Variants in XKR6 observed in about 807,000 individuals in gnomAD.
XKR6 encodes the protein XK-related protein 6.
XKR6 carries 22 observed loss-of-function variants against 56.7 expected under a neutral mutation model. That is an observed-to-expected ratio of 0.39 (90% CI 0.28 to 0.55). The LOEUF (loss-of-function observed/expected upper bound fraction) is 0.55, where lower values mean the gene tolerates loss of function less well. Ranked by LOEUF, XKR6 falls within the 20% of genes least tolerant of loss-of-function variation. The pLI, the probability that XKR6 is intolerant of heterozygous loss-of-function variation, is 0.66. For missense variants in XKR6, 852 were observed against 889.0 expected, an observed-to-expected ratio of 0.96 and a Z score of 0.53; for synonymous variants, 524 against 387.8, an observed-to-expected ratio of 1.35 and a Z score of -4.13.
At chr8:11,115,415 T>C (rs1799124208) in intron 1 of XKR6, among the ~76,000 whole-genome samples, 1 of 152,168 alleles carries the variant, frequency 6.6e-6, no homozygotes, top group African/African-American at 2.4e-5. Context: ...AATTCAGAAA[T>C]CCTGCTGCTA....
chr8:10,964,314 C>A (rs1028613328), intron 1 of XKR6, among the ~76,000 whole-genome samples: 2 of 152,304 alleles, frequency 1.3e-5, no homozygotes, highest in Admixed American at 1.3e-4. Context: ...CACCTGTTTG[C>A]TCAGTTTTGC....
intron 1 of XKR6, among the ~76,000 whole-genome samples, chr8:11,166,072 C>T (rs1249115067): frequency 6.6e-6 from 1 of 151,812 alleles, no homozygotes; most frequent in Non-Finnish European, 1.5e-5. Flanking sequence ...TCTCCTGCCT[C>T]AGCCTCCCGA....
At chr8:11,049,798 T>C (rs992523139) in intron 1 of XKR6, among the ~76,000 whole-genome samples, 3 of 152,236 alleles carry the variant, frequency 2.0e-5, no homozygotes, top group Non-Finnish European at 4.4e-5. Context: ...AGAATTTTTC[T>C]AGTCTTTTCC....
intron 1 of XKR6, among the ~76,000 whole-genome samples, chr8:11,066,268 G>T (rs894534571): frequency 6.6e-6 from 1 of 152,242 alleles, no homozygotes; most frequent in African/African-American, 2.4e-5. Flanking sequence ...GTCTCTGCCT[G>T]TTCGAAACAG....
chr8:11,141,614 G>A (rs1392868793), intron 1 of XKR6, among the ~76,000 whole-genome samples: 1 of 152,180 alleles, frequency 6.6e-6, no homozygotes, highest in Non-Finnish European at 1.5e-5. Context: ...AGTGCTCTTG[G>A]CTCAGCAACT....
chr8:11,080,761 G>A (rs541424012), intron 1 of XKR6, among the ~76,000 whole-genome samples: 8 of 152,232 alleles, frequency 5.3e-5, no homozygotes, highest in African/African-American at 1.2e-4. Context: ...GGACACTACC[G>A]TCAGAGACAA....
intron 1 of XKR6, among the ~76,000 whole-genome samples, chr8:11,050,447 G>A (rs975196046): frequency 6.6e-6 from 1 of 151,840 alleles, no homozygotes; most frequent in South Asian, 2.1e-4. Flanking sequence ...ACAACTCTAT[G>A]AAGAACAATG....
At chr8:10,909,470 T>C (rs554429772) in intron 2 of XKR6, among the ~76,000 whole-genome samples, 62 of 152,354 alleles carry the variant, frequency 4.1e-4, no homozygotes, top group Non-Finnish European at 7.8e-4. Flanking sequence ...TGGTTTTTTA[T>C]TTCTACTATG....
intron 1 of XKR6, among the ~76,000 whole-genome samples, chr8:11,178,392 C>T (rs1308261182): frequency 1.3e-5 from 2 of 151,560 alleles, no homozygotes; most frequent in African/African-American, 4.9e-5. Flanking sequence ...GGTCATCAAG[C>T]GGCTATGAAA....
chr8:11,102,429 C>T (rs1798517918), intron 1 of XKR6, among the ~76,000 whole-genome samples: 1 of 152,176 alleles, frequency 6.6e-6, no homozygotes, highest in African/African-American at 2.4e-5. Context: ...TGTCCAGCTG[C>T]ACTGTGCTTC....
At chr8:11,182,894 G>A (rs576752897) in intron 1 of XKR6, among the ~76,000 whole-genome samples, 11 of 152,206 alleles carry the variant, frequency 7.2e-5, no homozygotes, top group Admixed American at 5.2e-4. Flanking sequence ...CCCAGCCCCT[G>A]GCAGCCCCCT....
intron 1 of XKR6, among the ~76,000 whole-genome samples, chr8:11,071,992 A>C (rs1028959765): frequency 5.9e-5 from 9 of 151,962 alleles, no homozygotes; most frequent in African/African-American, 2.2e-4. Flanking sequence ...AGCCAAGATA[A>C]ATACATAGAA....
chr8:11,059,548 C>T (rs1158175894), intron 1 of XKR6, among the ~76,000 whole-genome samples: 1 of 151,938 alleles, frequency 6.6e-6, no homozygotes, highest in Admixed American at 6.6e-5. Context: ...CCCGGCCCGG[C>T]GAGCGACAAG....
chr8:10,999,865 C>T (rs975881653), intron 1 of XKR6, among the ~76,000 whole-genome samples: 1 of 152,148 alleles, frequency 6.6e-6, no homozygotes, highest in Non-Finnish European at 1.5e-5. Flanking sequence ...GGCATCTCCC[C>T]ACATGCCAAG....
intron 1 of XKR6, among the ~76,000 whole-genome samples, chr8:11,087,508 A>G (rs1017546387): frequency 6.6e-6 from 1 of 152,172 alleles, no homozygotes; most frequent in African/African-American, 2.4e-5. Context: ...GCTTATGGAC[A>G]AGGTTTCTTC....
intron 1 of XKR6, among the ~76,000 whole-genome samples, chr8:10,969,292 C>T (rs1802327869): frequency 6.6e-6 from 1 of 152,228 alleles, no homozygotes; most frequent in African/African-American, 2.4e-5. Flanking sequence ...TTGCCACCCA[C>T]CGTGTTGCTT....
chr8:11,187,993 G>C (rs1454285611), intron 1 of XKR6, among the ~76,000 whole-genome samples: 4 of 152,144 alleles, frequency 2.6e-5, no homozygotes, highest in African/African-American at 9.7e-5. Context: ...CACTTACAAA[G>C]TTACATAGTT....
At chr8:11,076,308 CACA>C (rs1181968450) in intron 1 of XKR6, among the ~76,000 whole-genome samples, 2 of 152,104 alleles carry the variant, frequency 1.3e-5, no homozygotes, top group East Asian at 1.9e-4. Flanking sequence ...GTGATGGTTG[CACA>C]ACAAGGTGAA....
chr8:11,014,493 G>A (rs556579827), intron 1 of XKR6, among the ~76,000 whole-genome samples: 1 of 152,274 alleles, frequency 6.6e-6, no homozygotes, highest in Non-Finnish European at 1.5e-5. Context: ...CAGTAAGGTT[G>A]GAGCCTCCCC....
Sources: gnomAD v4.1 joint callset for allele counts (sites outside exome capture counted in the v4.1 genomes callset) on GRCh38, gnomAD v4.1.1 for gene constraint, MANE v1.5 for transcripts, NCBI Gene and HGNC (gene_info 2026-07-23, HGNC 2026-07-21) for gene names.